ZFR: variants seen among roughly 807,000 people sequenced by gnomAD.
The protein encoded by ZFR is zinc finger RNA-binding protein.
A neutral mutation model predicts 130.7 loss-of-function variants in ZFR; 19 were observed. The ratio of observed to expected loss-of-function variants is 0.15; its 90% CI spans 0.10 to 0.21. ZFR has a LOEUF of 0.21. Ranked by LOEUF, ZFR falls within the 10% of genes least tolerant of loss-of-function variation. The pLI is 1.00. For missense variants in ZFR, 872 were observed against 1,321.5 expected (o/e 0.66, Z 5.27); for synonymous variants, 466 against 456.9 (o/e 1.02, Z -0.25).
chr5:32,391,525 CTT>C (rs34370191), intron 11 of ZFR, among the ~76,000 whole-genome samples: 35,310 of 134,128 alleles, frequency 0.26, 5,122 homozygotes, highest in Middle Eastern at 0.43. Context: ...GAAATCTACT[CTT>C]TTTTTTTTTT....
intron 2 of ZFR, among the ~76,000 whole-genome samples, chr5:32,438,689 A>G (rs949158522): frequency 6.6e-6 from 1 of 152,006 alleles, no homozygotes; most frequent in South Asian, 2.1e-4. Context: ...AGTAATGAGG[A>G]CTCCAAATGT....
chr5:32,367,158 G>T (rs187169576), intron 17 of ZFR, among the ~76,000 whole-genome samples: 272 of 152,236 alleles, frequency 1.8e-3, no homozygotes, highest in African/African-American at 6.4e-3. Context: ...AGCAGGCTGG[G>T]TGTGGTGGTT....
At chr5:32,388,445 T>C (rs762230193) in intron 13 of ZFR, 24 bp downstream of exon 13, 14 of 1,606,554 alleles carry the variant, frequency 8.7e-6, no homozygotes, top group East Asian at 2.2e-5. Flanking sequence ...AAATTACACA[T>C]GGTAAATAAC....
In ZFR at chr5:32,444,608, C is replaced by G. The variant is rs1754564761; in HGVS notation, c.37+14G>C. ...GGGGCCGGGCAGAGGCCTCGCGGGC[C>G]ACATTAGACTCACCATAGGTGAAAG... On this transcript the variant is annotated intron_variant, in intron 1 of 19. Coordinates refer to ENST00000265069, the MANE Select transcript of ZFR (RefSeq NM_016107.5). The G allele has an allele frequency of 6.7e-7, 1 of 1,483,862 alleles. No individual in the cohort carries two copies. Among genetic ancestry groups the G allele is most frequent in the Admixed American group, 2.6e-5 (1 of 37,960 alleles). The allele number at this position is 1,483,862 out of a possible 1,614,324, so 91.9% of individuals were successfully genotyped here. A position where few individuals can be genotyped will look rare whatever the true frequency, so the allele number is the denominator to read the frequency against.
chr5:32,397,853 T>C (rs1169391880), intron 9 of ZFR, among the ~76,000 whole-genome samples: 4 of 120,232 alleles, frequency 3.3e-5, no homozygotes, highest in Non-Finnish European at 7.0e-5. Context: ...TTGTATCTTT[T>C]TTTTTTTTTT....
chr5:32,410,105 G>C (rs927298161), intron 5 of ZFR, among the ~76,000 whole-genome samples: 4 of 152,078 alleles, frequency 2.6e-5, no homozygotes, highest in African/African-American at 9.7e-5. Flanking sequence ...AGGAGTTCAA[G>C]ACCAGCCTAG....
At chr5:32,420,883 A>G (rs1753940885) in intron 2 of ZFR, among the ~76,000 whole-genome samples, 1 of 152,226 alleles carries the variant, frequency 6.6e-6, no homozygotes, top group Non-Finnish European at 1.5e-5. Flanking sequence ...TTTTAGATAC[A>G]TTTTCCAGCT....
intron 14 of ZFR, among the ~76,000 whole-genome samples, chr5:32,385,853 A>G (rs1199931455): frequency 1.3e-5 from 2 of 152,104 alleles, no homozygotes; most frequent in African/African-American, 2.4e-5. Flanking sequence ...TGTTGAACTA[A>G]TATTTACCAT....
At chr5:32,414,896 G>C (rs537734527) in intron 5 of ZFR, 73 bp downstream of exon 5, 121 of 1,338,006 alleles carry the variant, frequency 9.0e-5, no homozygotes, top group Non-Finnish European at 1.1e-4. Flanking sequence ...TAATTTCAAA[G>C]ACAATCAAGA....
rs115695100 is a variant in ZFR at position 32,383,939 on chromosome 5, A to G, written c.2641+1569T>C. On this transcript the variant is annotated intron_variant, in intron 15 of 19. Coordinates refer to ENST00000265069, the MANE Select transcript of ZFR (RefSeq NM_016107.5). ...TGGACTGACCATTTTCCTCATCATAATATTTATGAAATTCAGAACAATAAT... is the reference window on the plus strand; with the variant it reads ...TGGACTGACCATTTTCCTCATCATAGTATTTATGAAATTCAGAACAATAAT... 1,795 of 334,294 alleles carry G rather than the reference A, an allele frequency of 5.4e-3. 33 individuals carry two copies. Among genetic ancestry groups the G allele is most frequent in the African/African-American group, 0.034 (1,605 of 46,744 alleles). The allele number at this position is 334,294 out of a possible 1,614,324, so 20.7% of individuals were successfully genotyped here.
At position 32,355,373 on chromosome 5, in the gene ZFR, C is replaced by T. The variant is rs1752281644; in HGVS notation, c.*387G>A. ...TAGTGTCAAAAAGCAAACAAAACCT[C>T]TAAATTAAAATATCAAAATACACAG... On this transcript the variant is annotated 3_prime_UTR_variant, in exon 20 of 20. Coordinates refer to ENST00000265069, the MANE Select transcript of ZFR (RefSeq NM_016107.5). 1 of 154,464 alleles carries T rather than the reference C, an allele frequency of 6.5e-6. No individual in the cohort carries two copies. The highest frequency in any genetic ancestry group is 1.4e-5 in the Non-Finnish European group (1 of 69,724). 9.6% of individuals were successfully genotyped at this position (154,464 alleles called of 1,614,324 possible). A position where few individuals can be genotyped will look rare whatever the true frequency, so the allele number is the denominator to read the frequency against.
intron 9 of ZFR, among the ~76,000 whole-genome samples, chr5:32,398,344 A>G (rs939082300): frequency 6.6e-6 from 1 of 152,200 alleles, no homozygotes; most frequent in African/African-American, 2.4e-5. Flanking sequence ...AGGTTTTATA[A>G]TATGTAACTT....
intron 19 of ZFR, among the ~76,000 whole-genome samples, chr5:32,359,624 C>T (rs556120281): frequency 1.3e-5 from 2 of 152,264 alleles, no homozygotes; most frequent in African/African-American, 4.8e-5. Flanking sequence ...AGTATAGAAA[C>T]ATTGTGTATG....
chr5:32,369,543 C>T (rs754626639), intron 17 of ZFR, among the ~76,000 whole-genome samples: 9 of 151,512 alleles, frequency 5.9e-5, no homozygotes, highest in Admixed American at 1.3e-4. Context: ...TGGTGGCTCA[C>T]GCCTATAATC....
chr5:32,390,725 A>G (rs530121110), intron 11 of ZFR, among the ~76,000 whole-genome samples: 8 of 152,286 alleles, frequency 5.3e-5, no homozygotes, highest in Non-Finnish European at 8.8e-5. Flanking sequence ...TAGAAACCCA[A>G]TGCCACCTAA....
chr5:32,375,287 AGATT>A (rs2111694364), intron 17 of ZFR, among the ~76,000 whole-genome samples: 1 of 152,340 alleles, frequency 6.6e-6, no homozygotes, highest in East Asian at 1.9e-4. Context: ...AACTGGAAAA[AGATT>A]GATAATTCAA....
intron 9 of ZFR, among the ~76,000 whole-genome samples, chr5:32,399,170 G>A (rs1165992932): frequency 1.3e-5 from 2 of 151,910 alleles, no homozygotes; most frequent in Non-Finnish European, 2.9e-5. Context: ...AGCTACTTGG[G>A]AGGCTGAGGC....
Position 32,415,048 on chromosome 5 carries a change from C to T in ZFR, c.705G>A (p.Gln235=). The part of the protein sequence containing the change: ...FSIYPVSSTV[Q]PVAAAATVVP... ...CCACAGTAGCCGCAGCTGCTACTGG[C>T]TGTACGGTGGAGGATACAGGATAGA... The change falls in exon 5 of 20, where the codon CAG becomes CAA. Residue 235 remains glutamine, a synonymous_variant. Coordinates refer to ENST00000265069, the MANE Select transcript of ZFR (RefSeq NM_016107.5). 6.2e-7 allele frequency: 1 copy of T among 1,614,112 alleles called. No homozygotes were observed. Among genetic ancestry groups the T allele is most frequent in the South Asian group, 1.1e-5 (1 of 91,078 alleles).
At chr5:32,444,398 A>T (rs936116074) in intron 1 of ZFR, 70 bp from the exon 2 acceptor site, 1 of 1,485,676 alleles carries the variant, frequency 6.7e-7, no homozygotes, top group African/African-American at 1.4e-5. Flanking sequence ...ACGCCGAGGG[A>T]GGGCAGGGAG....
Sources: gnomAD v4.1 joint callset for allele counts (sites outside exome capture counted in the v4.1 genomes callset) on GRCh38, gnomAD v4.1.1 for gene constraint, MANE v1.5 for transcripts, NCBI Gene and HGNC (gene_info 2026-07-23, HGNC 2026-07-21) for gene names.